Variants in PID1 observed in about 807,000 individuals in gnomAD.
PID1 encodes the protein phosphotyrosine interaction domain containing 1, also known as PTB-containing, cubilin and LRP1-interacting protein.
In PID1, 10 loss-of-function variants were observed where a neutral mutation model predicts 19.1. That is an observed-to-expected ratio of 0.52 (90% confidence interval 0.32 to 0.89). The LOEUF is 0.89. Ranked by LOEUF, PID1 falls within the 40% of genes least tolerant of loss-of-function variation. The pLI is 0.03. For synonymous variants in PID1, 130 were observed against 116.0 expected (o/e 1.12, Z -0.78); for missense variants, 248 against 285.3 (o/e 0.87, Z 0.94).
intron 1 of PID1, among the ~76,000 whole-genome samples, chr2:229,201,434 T>C (rs1691496957): frequency 1.3e-5 from 2 of 152,060 alleles, no homozygotes; most frequent in Admixed American, 6.6e-5. Context: ...GGTTCATCCA[T>C]GTCGTGGCAT....
intron 1 of PID1, among the ~76,000 whole-genome samples, chr2:229,197,141 T>C (rs1339746025): frequency 6.6e-6 from 1 of 151,922 alleles, no homozygotes; most frequent in Admixed American, 6.6e-5. Context: ...AAAGGTGAAA[T>C]AACAAATAAT....
intron 1 of PID1, chr2:229,231,786 C>T (rs1692214460): frequency 1.5e-6 from 2 of 1,371,360 alleles, no homozygotes; most frequent in African/African-American, 2.9e-5. Context: ...TCTCAATAGT[C>T]CAGATGTGTG....
At chr2:229,134,385 G>A (rs185108251) in intron 2 of PID1, among the ~76,000 whole-genome samples, 17 of 140,816 alleles carry the variant, frequency 1.2e-4, no homozygotes, top group Admixed American at 3.7e-4. Context: ...GGCTACAGGC[G>A]CCTGTCACCA....
intron 2 of PID1, among the ~76,000 whole-genome samples, chr2:229,074,136 T>A (rs1325476818): frequency 1.3e-5 from 2 of 152,102 alleles, no homozygotes; most frequent in African/African-American, 4.8e-5. Context: ...AAATGGCAAG[T>A]CAGATGGTAA....
chr2:229,168,877 T>A (rs1053570014), intron 1 of PID1, among the ~76,000 whole-genome samples: 6 of 152,274 alleles, frequency 3.9e-5, no homozygotes, highest in South Asian at 4.1e-4. Flanking sequence ...TGGGTTGAGT[T>A]TGGGTTTTAT....
At chr2:229,112,428 A>G (rs1695316709) in intron 2 of PID1, among the ~76,000 whole-genome samples, 2 of 152,220 alleles carry the variant, frequency 1.3e-5, no homozygotes, top group Admixed American at 1.3e-4. Context: ...AGTGAACATC[A>G]CATCTAGAAA....
intron 2 of PID1, among the ~76,000 whole-genome samples, chr2:229,087,882 A>G (rs190977725): frequency 4.7e-4 from 71 of 152,314 alleles, no homozygotes; most frequent in African/African-American, 1.5e-3. Flanking sequence ...TCCTTCAATT[A>G]GTCAATTACG....
At chr2:229,179,332 CATGT>C (rs2106217042) in intron 1 of PID1, among the ~76,000 whole-genome samples, 1 of 152,258 alleles carries the variant, frequency 6.6e-6, no homozygotes, top group South Asian at 2.1e-4. Flanking sequence ...AGAGCCCTTC[CATGT>C]ATATTCCCTT....
intron 2 of PID1, among the ~76,000 whole-genome samples, chr2:229,136,715 G>A (rs1244454249): frequency 2.6e-5 from 4 of 151,994 alleles, no homozygotes; most frequent in African/African-American, 9.7e-5. Context: ...GAACCTCAGG[G>A]ACACAAATTG....
intron 2 of PID1, among the ~76,000 whole-genome samples, chr2:229,109,824 G>A (rs530507327): frequency 6.6e-6 from 1 of 152,264 alleles, no homozygotes; most frequent in East Asian, 1.9e-4. Context: ...GTGTAGCCAG[G>A]GCTGCAGAGC....
chr2:229,256,970 TAA>T (rs1690317701), intron 1 of PID1, among the ~76,000 whole-genome samples: 1 of 152,204 alleles, frequency 6.6e-6, no homozygotes, highest in South Asian at 2.1e-4. Flanking sequence ...TATGGGTGCC[TAA>T]TTTAAAAACC....
intron 2 of PID1, among the ~76,000 whole-genome samples, chr2:229,080,373 C>T (rs187557598): frequency 1.3e-5 from 2 of 152,174 alleles, no homozygotes; most frequent in African/African-American, 2.4e-5. Context: ...TCCTTACATA[C>T]CTCTGTGGTT....
intron 1 of PID1, among the ~76,000 whole-genome samples, chr2:229,257,511 C>G (rs910341728): frequency 4.6e-5 from 7 of 152,188 alleles, no homozygotes; most frequent in African/African-American, 1.4e-4. Flanking sequence ...CTTGCTGTCT[C>G]AGGATAACCA....
chr2:229,088,671 T>C lies in PID1; in HGVS notation c.178-62563A>G, dbSNP rs545812441. On this transcript the variant is annotated intron_variant, in intron 2 of 2. Coordinates refer to ENST00000392055, the MANE Select transcript of PID1 (RefSeq NM_001100818.2). ...GGCAAGATACACAGCAATTTGATCA[T>C]AGTTTCCACATTCACACCACGCACT... Among the ~76,000 whole-genome samples, 26 of 152,258 alleles carry C rather than the reference T, an allele frequency of 1.7e-4. No individual in the cohort carries two copies. The South Asian group carries it at 5.2e-3, about 30-fold the overall frequency.
intron 2 of PID1, among the ~76,000 whole-genome samples, chr2:229,080,104 C>A (rs1347535562): frequency 6.6e-6 from 1 of 152,172 alleles, no homozygotes; most frequent in East Asian, 1.9e-4. Context: ...CCTGTGAGCA[C>A]CTCAGCGGCT....
At chr2:229,050,254 C>T (rs78253900) in intron 2 of PID1, among the ~76,000 whole-genome samples, 1,762 of 152,166 alleles carry the variant, frequency 0.012, 112 homozygotes, top group Admixed American at 0.1. Context: ...TCATTAGTTC[C>T]GCTTCTCTCT....
intron 1 of PID1, among the ~76,000 whole-genome samples, chr2:229,251,307 G>A (rs1690143836): frequency 6.6e-6 from 1 of 151,136 alleles, no homozygotes. Flanking sequence ...AGGAAATGTA[G>A]AATGCACAGA....
chr2:229,107,503 C>CAAAAAAAAA (rs36057425), intron 2 of PID1, among the ~76,000 whole-genome samples: 1 of 119,238 alleles, frequency 8.4e-6, no homozygotes. Flanking sequence ...AATATATCAC[C>CAAAAAAAAA]AAAAAAAAAA....
At chr2:229,106,077 C>CAAAAAAAA (rs10664324) in intron 2 of PID1, among the ~76,000 whole-genome samples, 6 of 122,082 alleles carry the variant, frequency 4.9e-5, no homozygotes, top group South Asian at 2.8e-4. Flanking sequence ...GAGATTCCGT[C>CAAAAAAAA]AAAAAAAAAA....
Sources: gnomAD v4.1 joint callset for allele counts (sites outside exome capture counted in the v4.1 genomes callset) on GRCh38, gnomAD v4.1.1 for gene constraint, MANE v1.5 for transcripts, NCBI Gene and HGNC (gene_info 2026-07-23, HGNC 2026-07-21) for gene names.